The following CUX1 variants were observed in gnomAD, a reference collection of about 807,000 sequenced individuals.
CUX1 encodes the protein protein CASP.
Under a neutral mutation model 158.8 loss-of-function variants are expected in CUX1, and 31 were observed. The ratio of observed to expected loss-of-function variants is 0.20; its 90% CI spans 0.15 to 0.26. The LOEUF (loss-of-function observed/expected upper bound fraction) is 0.26, where lower values mean the gene tolerates loss of function less well. CUX1 is among the 10% of genes least tolerant of loss of function. The probability of loss-of-function intolerance (pLI) is 1.00; values close to 1 mark genes in which losing one functional copy is unlikely to be tolerated. For synonymous variants in CUX1, 879 were observed against 862.1 expected (o/e 1.02, Z -0.34); for missense variants, 1,589 against 2,014.6 (o/e 0.79, Z 4.04).
intron 1 of CUX1, among the ~76,000 whole-genome samples, chr7:101,842,308 C>T (rs1425425112): frequency 6.6e-6 from 1 of 152,130 alleles, no homozygotes; most frequent in Non-Finnish European, 1.5e-5. Context: ...TGACATATAC[C>T]ATATAGTCAT....
intron 3 of CUX1, among the ~76,000 whole-genome samples, chr7:102,038,175 T>C (rs2129636473): frequency 6.6e-6 from 1 of 152,250 alleles, no homozygotes; most frequent in South Asian, 2.1e-4. Context: ...CTTGCCATAA[T>C]AAAGATTCAT....
chr7:102,064,694 G>T (rs951471014), intron 3 of CUX1, among the ~76,000 whole-genome samples: 1 of 152,070 alleles, frequency 6.6e-6, no homozygotes, highest in Non-Finnish European at 1.5e-5. Flanking sequence ...AAGCTGTTCT[G>T]TGTGGCAGAG....
chr7:102,169,043 T>C (rs553990870), intron 9 of CUX1, among the ~76,000 whole-genome samples: 10 of 151,802 alleles, frequency 6.6e-5, no homozygotes, highest in African/African-American at 2.4e-4. Flanking sequence ...AAGCGATTCT[T>C]CTGCCTCAGT....
At chr7:102,022,447 G>A (rs557411194) in intron 2 of CUX1, among the ~76,000 whole-genome samples, 13 of 151,992 alleles carry the variant, frequency 8.6e-5, no homozygotes, top group African/African-American at 2.9e-4. Flanking sequence ...GCGAAACCCC[G>A]TCTCTACAAA....
chr7:102,096,205 G>A (rs1319307086), intron 4 of CUX1, among the ~76,000 whole-genome samples: 1 of 152,238 alleles, frequency 6.6e-6, no homozygotes, highest in Admixed American at 6.5e-5. Flanking sequence ...GCTGGTCTAC[G>A]ACAGGGCCAT....
chr7:101,830,994 G>A (rs1014294160), intron 1 of CUX1, among the ~76,000 whole-genome samples: 5 of 151,994 alleles, frequency 3.3e-5, no homozygotes, highest in Admixed American at 6.6e-5. Context: ...CTGATGACTC[G>A]AATGGATCCT....
chr7:102,060,029 A>G (rs1824608254), intron 3 of CUX1, among the ~76,000 whole-genome samples: 1 of 152,000 alleles, frequency 6.6e-6, no homozygotes, highest in South Asian at 2.1e-4. Flanking sequence ...TAATCCCAGC[A>G]CTTTGGGAGG....
chr7:101,893,408 A>G (rs938970955), intron 1 of CUX1, among the ~76,000 whole-genome samples: 3 of 152,038 alleles, frequency 2.0e-5, no homozygotes, highest in Non-Finnish European at 2.9e-5. Flanking sequence ...ACTGCACGTG[A>G]AAGATTTGCC....
chr7:102,254,520 TCC>T lies in CUX1; in HGVS notation c.*5479_*5480del. The T allele has an allele frequency of 1.0e-6, 1 of 985,474 alleles. No homozygotes were observed. Among genetic ancestry groups the T allele is most frequent in the Non-Finnish European group, 1.2e-6 (1 of 829,976 alleles). 61.0% of individuals were successfully genotyped at this position (985,474 alleles called of 1,614,324 possible). A position where few individuals can be genotyped will look rare whatever the true frequency, so the allele number is the denominator to read the frequency against. On this transcript the variant is annotated 3_prime_UTR_variant, in exon 24 of 24. Transcript: ENST00000292535. ...CCATCCAGCACCGAAGAAAATCAGC[TCC>T]TGGGGCTGGTGGTTGGAGGTGGGTC...
At chr7:102,107,559 A>G (rs911169075) in intron 6 of CUX1, among the ~76,000 whole-genome samples, 10 of 152,180 alleles carry the variant, frequency 6.6e-5, no homozygotes, top group Non-Finnish European at 1.2e-4. Context: ...AAAATAAATA[A>G]AAGAAAAGAG....
chr7:102,120,221 G>T (rs562472584), intron 8 of CUX1, among the ~76,000 whole-genome samples: 2 of 150,898 alleles, frequency 1.3e-5, no homozygotes, highest in South Asian at 4.3e-4. Context: ...GGGCAAAAAT[G>T]CAGGAATTCC....
intron 1 of CUX1, among the ~76,000 whole-genome samples, chr7:101,906,595 C>T (rs1168696438): frequency 6.6e-6 from 1 of 151,966 alleles, no homozygotes; most frequent in African/African-American, 2.4e-5. Flanking sequence ...CGGGCTTTGG[C>T]AGGGCGCGCC....
At chr7:101,825,451 G>C (rs1205206647) in intron 1 of CUX1, among the ~76,000 whole-genome samples, 1 of 152,208 alleles carries the variant, frequency 6.6e-6, no homozygotes, top group East Asian at 1.9e-4. Context: ...AGGACCACAA[G>C]GTGGCCAGGG....
Position 102,257,776 on chromosome 7 carries a change from C to A in CUX1, c.*8734C>A, listed in dbSNP as rs1364381655. ...TAGCAGTATTTTATATTTTCTGTAA[C>A]GCACCAAGTCTTAGATCTTTCTAGA... On this transcript the variant is annotated 3_prime_UTR_variant, in exon 24 of 24. Coordinates refer to ENST00000292535, the MANE Select transcript of CUX1 (RefSeq NM_181552.4). 2 of 984,364 alleles carry A rather than the reference C, an allele frequency of 2.0e-6. No individual in the cohort carries two copies. Among genetic ancestry groups the A allele is most frequent in the Non-Finnish European group, 2.4e-6 (2 of 829,846 alleles). 61.0% of individuals were successfully genotyped at this position (984,364 alleles called of 1,614,324 possible).
At chr7:102,186,176 G>A (rs548092703) in intron 11 of CUX1, among the ~76,000 whole-genome samples, 60 of 152,272 alleles carry the variant, frequency 3.9e-4, no homozygotes, top group Admixed American at 1.7e-3. Flanking sequence ...GGCATTTTCA[G>A]CATTGGAAGT....
intron 3 of CUX1, among the ~76,000 whole-genome samples, chr7:102,052,403 G>A (rs748312792): frequency 4.6e-5 from 7 of 151,964 alleles, no homozygotes; most frequent in Non-Finnish European, 1.0e-4. Context: ...TTTTGTTCCC[G>A]GCTTCTTTTA....
intron 1 of CUX1, among the ~76,000 whole-genome samples, chr7:101,906,619 G>T (rs1217142387): frequency 6.6e-6 from 1 of 152,064 alleles, no homozygotes; most frequent in Non-Finnish European, 1.5e-5. Flanking sequence ...TGTCCTGGAG[G>T]ACTGTGTCCT....
chr7:101,931,933 G>A (rs531832418), intron 2 of CUX1, among the ~76,000 whole-genome samples: 2 of 152,294 alleles, frequency 1.3e-5, no homozygotes, highest in East Asian at 3.9e-4. Context: ...GCTTTAGAAG[G>A]CATTTTCAAG....
At chr7:102,079,904 C>T (rs1262062271) in intron 4 of CUX1, among the ~76,000 whole-genome samples, 1 of 152,160 alleles carries the variant, frequency 6.6e-6, no homozygotes, top group Admixed American at 6.5e-5. Flanking sequence ...GCTGTATGCT[C>T]TGTCCCAGTT....
Sources: allele counts gnomAD v4.1 joint callset (sites outside exome capture counted in the v4.1 genomes callset), GRCh38; gene constraint gnomAD v4.1.1; transcripts MANE v1.5; gene names NCBI Gene and HGNC (gene_info 2026-07-23, HGNC 2026-07-21).